PPM1H: variants seen among roughly 807,000 people sequenced by gnomAD.
PPM1H encodes protein phosphatase 1H.
Under a neutral mutation model 54.9 loss-of-function variants are expected in PPM1H, and 27 were observed. That is an observed-to-expected ratio of 0.49 (90% CI 0.36 to 0.68). The LOEUF is 0.68. Among genes scored for constraint, PPM1H ranks in the 30% least tolerant of loss-of-function variants. The pLI is 0.00. For missense variants in PPM1H, 596 were observed against 667.8 expected (o/e 0.89, Z 1.19); for synonymous variants, 305 against 270.8 (o/e 1.13, Z -1.24).
At chr12:62,790,737 G>A (rs925248101) in intron 3 of PPM1H, among the ~76,000 whole-genome samples, 5 of 152,160 alleles carry the variant, frequency 3.3e-5, no homozygotes, top group African/African-American at 1.2e-4. Context: ...GGATGTAGTG[G>A]TTTATAAACA....
intron 9 of PPM1H, among the ~76,000 whole-genome samples, chr12:62,658,212 T>TTTTTTTTTTTC (rs768288538): frequency 7.7e-6 from 1 of 130,538 alleles, no homozygotes; most frequent in South Asian, 2.6e-4. Context: ...TTTTTTTTTT[T>TTTTTTTTTTTC]AAGTAAAAAA....
chr12:62,916,682 TAAATC>T (rs1353654530), intron 1 of PPM1H, among the ~76,000 whole-genome samples: 1 of 152,166 alleles, frequency 6.6e-6, no homozygotes, highest in African/African-American at 2.4e-5. Flanking sequence ...GAATTGTACT[TAAATC>T]AGAAGAACTC....
intron 4 of PPM1H, among the ~76,000 whole-genome samples, chr12:62,739,401 G>C (rs1240960216): frequency 6.6e-6 from 1 of 152,162 alleles, no homozygotes; most frequent in Non-Finnish European, 1.5e-5. Context: ...ATTTGAAAGG[G>C]GGCGGGGTCA....
Position 62,844,695 on chromosome 12 carries a change from T to C in PPM1H, c.246-12416A>G, listed in dbSNP as rs553851399. On this transcript the variant is annotated intron_variant, in intron 1 of 9. Coordinates refer to ENST00000228705, the MANE Select transcript of PPM1H (RefSeq NM_020700.2). The surrounding 1 kb of genome is among the most constrained non-coding windows in gnomAD (Gnocchi z 5.2). ...TGTTGTGTGTTTATTTCAGTTGTGT[T>C]CTCCCTATCTCAAATCACATAGCAC... is the stretch of plus-strand genomic sequence containing the variant. Among the ~76,000 whole-genome samples, 40 of 152,196 alleles carry C rather than the reference T, an allele frequency of 2.6e-4. No individual in the cohort carries two copies. Among genetic ancestry groups the C allele is most frequent in the Non-Finnish European group, 4.7e-4 (32 of 68,034 alleles).
Position 62,648,287 on chromosome 12 carries a change from CTTG to C in PPM1H, c.*199_*201del. The stretch of plus-strand genomic sequence containing the variant: ...TTGGTAGCAGCCTTTGTGTTTTGCT[CTTG>C]TTGAGTTGACCTGTTACTAAAGAAG... On this transcript the variant is annotated 3_prime_UTR_variant, in exon 10 of 10. Transcript: ENST00000228705. The C allele has an allele frequency of 1.7e-6, 1 of 594,626 alleles. No homozygotes were observed. 36.8% of individuals were successfully genotyped at this position (594,626 alleles called of 1,614,324 possible). A position where few individuals can be genotyped will look rare whatever the true frequency, so the allele number is the denominator to read the frequency against.
chr12:62,735,060 AAAC>A (rs1275592322), intron 5 of PPM1H, among the ~76,000 whole-genome samples: 1 of 152,124 alleles, frequency 6.6e-6, no homozygotes, highest in Non-Finnish European at 1.5e-5. Context: ...AAAAACAAAA[AAAC>A]AACGGAAGGT....
At chr12:62,718,782 G>A (rs534392769) in intron 6 of PPM1H, among the ~76,000 whole-genome samples, 20 of 152,282 alleles carry the variant, frequency 1.3e-4, no homozygotes, top group African/African-American at 4.8e-4. Context: ...AAATAAAAAT[G>A]GATTCACAAG....
chr12:62,854,854 A>T (rs1415130307), intron 1 of PPM1H, among the ~76,000 whole-genome samples: 1 of 152,148 alleles, frequency 6.6e-6, no homozygotes, highest in East Asian at 1.9e-4. Flanking sequence ...AAAAATTTAG[A>T]AGTATGTTTG....
intron 4 of PPM1H, among the ~76,000 whole-genome samples, chr12:62,764,060 G>A (rs368897887): frequency 5.1e-4 from 78 of 152,270 alleles, no homozygotes; most frequent in African/African-American, 1.7e-3. Flanking sequence ...GCTCCATGCC[G>A]TGGGGACCAT....
chr12:62,786,504 C>T (rs1383347458), intron 4 of PPM1H, among the ~76,000 whole-genome samples: 1 of 152,184 alleles, frequency 6.6e-6, no homozygotes, highest in Non-Finnish European at 1.5e-5. Context: ...GATGGGAGGG[C>T]GGGCAGAGAG....
At chr12:62,837,607 T>C (rs1414750938) in intron 1 of PPM1H, among the ~76,000 whole-genome samples, 1 of 152,220 alleles carries the variant, frequency 6.6e-6, no homozygotes, top group African/African-American at 2.4e-5. Context: ...TCTCCAGCTA[T>C]GGGTACTTGG....
At chr12:62,799,803 C>G (rs939237601) in intron 3 of PPM1H, among the ~76,000 whole-genome samples, 4 of 152,094 alleles carry the variant, frequency 2.6e-5, no homozygotes, top group African/African-American at 4.8e-5. Context: ...AGCTGGAATA[C>G]AGTGACAAAA....
intron 4 of PPM1H, among the ~76,000 whole-genome samples, chr12:62,768,524 G>A (rs146579552): frequency 0.013 from 2,003 of 152,044 alleles, 48 homozygotes; most frequent in African/African-American, 0.045. Flanking sequence ...GCATGGTGGC[G>A]GGCGCCTGTA....
At chr12:62,857,920 T>C (rs2120958550) in intron 1 of PPM1H, among the ~76,000 whole-genome samples, 1 of 152,318 alleles carries the variant, frequency 6.6e-6, no homozygotes, top group South Asian at 2.1e-4. Context: ...GCGCCTTGCA[T>C]ATATTTTTAT....
chr12:62,744,470 CA>C lies in PPM1H; in HGVS notation c.870-6885del, dbSNP rs35852199. On this transcript the variant is annotated intron_variant, in intron 4 of 9. Transcript: ENST00000228705. ...TGGGCAACAGAGTGAGACTCTGTCT[CA>C]AAAAAAAAAAAAAAAAGGAGTGAAA... 5.8e-3 allele frequency among the ~76,000 whole-genome samples: 513 copies of C among 88,142 alleles called. 1 individual carries two copies. Among genetic ancestry groups the C allele is most frequent in the African/African-American group, 0.013 (309 of 24,434 alleles). The allele number at this position is 88,142 out of a possible 152,430, so 57.8% of individuals were successfully genotyped here. A position where few individuals can be genotyped will look rare whatever the true frequency, so the allele number is the denominator to read the frequency against.
intron 1 of PPM1H, among the ~76,000 whole-genome samples, chr12:62,876,050 G>A (rs1479696373): frequency 6.6e-6 from 1 of 152,156 alleles, no homozygotes; most frequent in Non-Finnish European, 1.5e-5. Context: ...CAACTTGAAT[G>A]GTAACACAGA....
At chr12:62,750,268 T>G (rs2076435191) in intron 4 of PPM1H, among the ~76,000 whole-genome samples, 1 of 152,218 alleles carries the variant, frequency 6.6e-6, no homozygotes, top group Non-Finnish European at 1.5e-5. Flanking sequence ...TACTTTTTAG[T>G]AGCCACTCCC....
intron 6 of PPM1H, among the ~76,000 whole-genome samples, chr12:62,711,624 C>T (rs1459408075): frequency 2.6e-5 from 4 of 152,124 alleles, no homozygotes; most frequent in African/African-American, 9.7e-5. Flanking sequence ...GGGGAAGCGC[C>T]GTGTGACTCT....
chr12:62,830,821 T>A (rs527886575), intron 2 of PPM1H, among the ~76,000 whole-genome samples: 56 of 152,292 alleles, frequency 3.7e-4, no homozygotes, highest in Non-Finnish European at 7.9e-4. Context: ...TACTTATCAA[T>A]CCCTGAGCAT....
Sources: gnomAD v4.1 joint callset for allele counts (sites outside exome capture counted in the v4.1 genomes callset) on GRCh38, gnomAD v4.1.1 for gene constraint, Gnocchi (gnomAD v3.1) non-coding constraint, MANE v1.5 for transcripts, NCBI Gene and HGNC (gene_info 2026-07-23, HGNC 2026-07-21) for gene names.